The following BRINP1 variants were observed in gnomAD, a reference collection of about 807,000 sequenced individuals.
BRINP1 encodes BMP/retinoic acid inducible neural specific 1.
BRINP1 carries 17 observed loss-of-function variants against 72.9 expected under a neutral mutation model. The ratio of observed to expected loss-of-function variants is 0.23; its 90% CI spans 0.16 to 0.35. The LOEUF is 0.35. BRINP1 is among the 10% of genes least tolerant of loss of function. The probability of loss-of-function intolerance (pLI) is 1.00; values close to 1 mark genes in which losing one functional copy is unlikely to be tolerated. For synonymous variants in BRINP1, 418 were observed against 378.5 expected (o/e 1.10, Z -1.21); for missense variants, 850 against 1,001.6 (o/e 0.85, Z 2.04).
At chr9:119,338,520 C>A (rs928311102) in intron 1 of BRINP1, among the ~76,000 whole-genome samples, 1 of 149,902 alleles carries the variant, frequency 6.7e-6, no homozygotes, top group African/African-American at 2.5e-5. Flanking sequence ...TTCTGGAATT[C>A]AATCTTCTCT....
chr9:119,229,309 CCTAA>C (rs1830125127), intron 5 of BRINP1, among the ~76,000 whole-genome samples: 1 of 151,880 alleles, frequency 6.6e-6, no homozygotes, highest in Non-Finnish European at 1.5e-5. Context: ...AAAAATAATA[CCTAA>C]CTTTTTTTAA....
At chr9:119,250,357 G>T (rs1040918815) in intron 2 of BRINP1, among the ~76,000 whole-genome samples, 2 of 152,122 alleles carry the variant, frequency 1.3e-5, no homozygotes. Context: ...TTCCATGTTT[G>T]CCTTCACTAA....
intron 7 of BRINP1, among the ~76,000 whole-genome samples, chr9:119,174,275 A>C (rs993816252): frequency 5.3e-5 from 8 of 151,220 alleles, no homozygotes; most frequent in African/African-American, 2.0e-4. Context: ...TACAAGAAAA[A>C]AACAAATAAC....
chr9:119,303,291 G>GACAC (rs35386714), intron 2 of BRINP1, among the ~76,000 whole-genome samples: 3,320 of 117,408 alleles, frequency 0.028, 70 homozygotes, highest in African/African-American at 0.061. Context: ...CACACACACA[G>GACAC]ACACACACAC....
intron 2 of BRINP1, among the ~76,000 whole-genome samples, chr9:119,259,357 T>C (rs762435453): frequency 6.6e-6 from 1 of 152,336 alleles, no homozygotes; most frequent in East Asian, 1.9e-4. Flanking sequence ...AATCTGGCAG[T>C]AGTAGCTACT....
At chr9:119,186,648 G>A (rs190558836) in intron 7 of BRINP1, among the ~76,000 whole-genome samples, 1 of 152,160 alleles carries the variant, frequency 6.6e-6, no homozygotes, top group Non-Finnish European at 1.5e-5. Context: ...AGCCTTGGCT[G>A]ATCTGTATCA....
intron 1 of BRINP1, among the ~76,000 whole-genome samples, chr9:119,338,764 G>C (rs1194118522): frequency 6.6e-6 from 1 of 151,188 alleles, no homozygotes; most frequent in African/African-American, 2.4e-5. Context: ...GCGTGGTGGC[G>C]GGCGCCTGTA....
intron 1 of BRINP1, among the ~76,000 whole-genome samples, chr9:119,331,801 A>G (rs1831302406): frequency 6.6e-6 from 1 of 152,250 alleles, no homozygotes; most frequent in Non-Finnish European, 1.5e-5. Flanking sequence ...AATATTCCAC[A>G]GACCACTTTG....
chr9:119,332,973 T>C (rs1052578995), intron 1 of BRINP1, among the ~76,000 whole-genome samples: 3 of 152,162 alleles, frequency 2.0e-5, no homozygotes, highest in African/African-American at 7.2e-5. Context: ...TGAGGGTCAG[T>C]GAAGCAAAGT....
At chr9:119,265,428 T>G (rs996331145) in intron 2 of BRINP1, among the ~76,000 whole-genome samples, 1 of 151,788 alleles carries the variant, frequency 6.6e-6, no homozygotes, top group Non-Finnish European at 1.5e-5. Flanking sequence ...GGCAAAACTC[T>G]TGTCTCTACT....
chr9:119,354,703 A>T (rs549451192), intron 1 of BRINP1, among the ~76,000 whole-genome samples: 11 of 152,094 alleles, frequency 7.2e-5, no homozygotes, highest in South Asian at 6.2e-4. Context: ...TCTAAAAAAA[A>T]AAAATAAAAA....
intron 1 of BRINP1, among the ~76,000 whole-genome samples, chr9:119,336,896 C>T (rs1831351260): frequency 6.6e-6 from 1 of 152,072 alleles, no homozygotes; most frequent in African/African-American, 2.4e-5. Context: ...AATATAAAAG[C>T]AACCAGGTGA....
At chr9:119,319,151 T>G (rs1191847907) in intron 1 of BRINP1, among the ~76,000 whole-genome samples, 1 of 152,088 alleles carries the variant, frequency 6.6e-6, no homozygotes, top group Non-Finnish European at 1.5e-5. Flanking sequence ...ATCCAACTCC[T>G]TTTTACAGAT....
chr9:119,347,831 C>G (rs925718768), intron 1 of BRINP1, among the ~76,000 whole-genome samples: 1 of 152,108 alleles, frequency 6.6e-6, no homozygotes, highest in Non-Finnish European at 1.5e-5. Flanking sequence ...TTTAAGGACA[C>G]TTTTTGGTTC....
chr9:119,336,894 A>C (rs1831351234), intron 1 of BRINP1, among the ~76,000 whole-genome samples: 1 of 152,190 alleles, frequency 6.6e-6, no homozygotes, highest in African/African-American at 2.4e-5. Flanking sequence ...ACAATATAAA[A>C]GCAACCAGGT....
intron 1 of BRINP1, among the ~76,000 whole-genome samples, chr9:119,360,696 C>T (rs945936743): frequency 8.5e-5 from 13 of 152,252 alleles, no homozygotes; most frequent in Non-Finnish European, 1.3e-4. Flanking sequence ...TGGCTAAACG[C>T]GGCTGTTCTC....
intron 7 of BRINP1, among the ~76,000 whole-genome samples, chr9:119,168,890 TAAGTCAGTTCAACCATTGTGG>T (rs1564207572): frequency 6.6e-6 from 1 of 152,182 alleles, no homozygotes; most frequent in African/African-American, 2.4e-5. Flanking sequence ...GATGTGAGTA[TAAGTCAGTTCAACCATTGTGG>T]AAGACAGTGT....
At chr9:119,361,107 GATAGCAGGA>G in intron 1 of BRINP1, among the ~76,000 whole-genome samples, 1 of 152,226 alleles carries the variant, frequency 6.6e-6, no homozygotes, top group South Asian at 2.1e-4. Context: ...CCTGTGTGGG[GATAGCAGGA>G]AGTCCGGGTA....
chr9:119,309,106 G>A (rs967280341), intron 2 of BRINP1, among the ~76,000 whole-genome samples: 1 of 152,180 alleles, frequency 6.6e-6, no homozygotes. Context: ...TGAAGTGGAA[G>A]AGGGAACCAC....
Sources: allele counts gnomAD v4.1 joint callset (sites outside exome capture counted in the v4.1 genomes callset), GRCh38; gene constraint gnomAD v4.1.1; transcripts MANE v1.5; gene names NCBI Gene and HGNC (gene_info 2026-07-23, HGNC 2026-07-21).